Variants in HMCN2 observed in about 807,000 individuals in gnomAD.
HMCN2 encodes hemicentin 2.
In HMCN2, 325 loss-of-function variants were observed where a neutral mutation model predicts 377.5. The ratio of observed to expected loss-of-function variants is 0.86; its 90% CI spans 0.79 to 0.94. The LOEUF (loss-of-function observed/expected upper bound fraction) is 0.94, where lower values mean the gene tolerates loss of function less well. Ranked by LOEUF, HMCN2 falls within the 40% of genes least tolerant of loss-of-function variation. The pLI, the probability that HMCN2 is intolerant of heterozygous loss-of-function variation, is 0.00. For missense variants in HMCN2, 4,543 were observed against 4,725.3 expected, an observed-to-expected ratio of 0.96 and a Z score of 1.13; for synonymous variants, 2,007 against 2,046.8, an observed-to-expected ratio of 0.98 and a Z score of 0.53.
intron 81 of HMCN2, among the ~76,000 whole-genome samples, chr9:130,405,323 C>G (rs1024917563): frequency 6.6e-6 from 1 of 152,372 alleles, no homozygotes; most frequent in Middle Eastern, 3.4e-3. Context: ...CTCAGGGATA[C>G]GGTGATGACT....
intron 96 of HMCN2, among the ~76,000 whole-genome samples, 191 bp downstream of exon 96, chr9:130,431,677 T>A (rs928206873): frequency 6.6e-6 from 1 of 152,178 alleles, no homozygotes; most frequent in Non-Finnish European, 1.5e-5. Flanking sequence ...CCAGGGCCCA[T>A]GCTCCAAACA....
chr9:130,312,302 A>G (rs895833470), intron 15 of HMCN2, among the ~76,000 whole-genome samples: 71 of 151,888 alleles, frequency 4.7e-4, no homozygotes, highest in African/African-American at 1.6e-3. Flanking sequence ...AGCAAGAGAG[A>G]AGGAAGGTCT....
At chr9:130,368,999 G>C (rs1160776647) in intron 44 of HMCN2, among the ~76,000 whole-genome samples, 1 of 152,096 alleles carries the variant, frequency 6.6e-6, no homozygotes, top group African/African-American at 2.4e-5. Flanking sequence ...CCCAAGCATT[G>C]GGGGTGGGGG....
chr9:130,431,946 G>A (rs902894928), intron 96 of HMCN2, among the ~76,000 whole-genome samples: 16 of 152,344 alleles, frequency 1.1e-4, no homozygotes, highest in South Asian at 2.1e-4. Flanking sequence ...GTGCACAAAC[G>A]GGGCTGGGGC....
chr9:130,381,375 CT>C (rs371549897), intron 54 of HMCN2, among the ~76,000 whole-genome samples: 19 of 148,436 alleles, frequency 1.3e-4, no homozygotes, highest in African/African-American at 1.7e-4. Flanking sequence ...TTGGATGGCT[CT>C]TTTTTTTTTT....
At position 130,347,520 on chromosome 9, in the gene HMCN2, G is replaced by A. The variant is rs1309804261; in HGVS notation, c.4024+160G>A. Among the ~76,000 whole-genome samples the A allele has an allele frequency of 6.6e-6, 1 of 152,272 alleles. No homozygotes were observed. The highest frequency in any genetic ancestry group is 2.1e-4 in the South Asian group (1 of 4,818). ...CCAGGTGTGGCAGTGCCAGTTCCCC[G>A]GGGCCTGAAAGCTTCCTACACAGGA... On this transcript the variant is annotated intron_variant, in intron 26 of 97. Coordinates refer to ENST00000683500, the MANE Select transcript of HMCN2 (RefSeq NM_001291815.2). The surrounding 1 kb of genome is among the most constrained non-coding windows in gnomAD (Gnocchi z 5.1).
At chr9:130,299,966 C>T (rs1264717563) in intron 8 of HMCN2, among the ~76,000 whole-genome samples, 1 of 151,432 alleles carries the variant, frequency 6.6e-6, no homozygotes, top group East Asian at 2.0e-4. Flanking sequence ...CATCCACCCA[C>T]CCGCTCACTC....
intron 92 of HMCN2, among the ~76,000 whole-genome samples, 154 bp downstream of exon 92, chr9:130,427,773 T>A (rs1375775438): frequency 6.6e-6 from 1 of 152,170 alleles, no homozygotes; most frequent in Non-Finnish European, 1.5e-5. Flanking sequence ...GGGGTCCCAA[T>A]GCTATGTCCC....
intron 78 of HMCN2, 110 bp downstream of exon 78, chr9:130,403,006 C>T: frequency 2.0e-6 from 2 of 1,018,376 alleles, no homozygotes; most frequent in Non-Finnish European, 2.6e-6. Flanking sequence ...CTCAGAGGCC[C>T]CGACCTGTCT....
chr9:130,433,336 T>C lies in HMCN2; in HGVS notation c.14895-12T>C. 1 of 1,433,734 alleles carries C rather than the reference T, an allele frequency of 7.0e-7. No individual in the cohort carries two copies. The highest frequency in any genetic ancestry group is 1.4e-5 in the South Asian group (1 of 69,024). The allele number at this position is 1,433,734 out of a possible 1,614,324, so 88.8% of individuals were successfully genotyped here. On this transcript the variant is annotated splice_polypyrimidine_tract_variant and intron_variant, in intron 97 of 97. Transcript: ENST00000683500. ...CCGAGTCCGCCTGTCCGTGTGTCTGTGCCGCCCGCAGGACGTGCTTCCGGC... is the reference window on the plus strand; with the variant it reads ...CCGAGTCCGCCTGTCCGTGTGTCTGCGCCGCCCGCAGGACGTGCTTCCGGC...
chr9:130,425,980 G>T, intron 90 of HMCN2, 56 bp downstream of exon 90: 1 of 1,324,690 alleles, frequency 7.5e-7, no homozygotes. Flanking sequence ...CCTGCCAGGG[G>T]GCCCAAATGC....
chr9:130,407,931 A>G (rs1344990842), intron 83 of HMCN2, among the ~76,000 whole-genome samples: 1 of 152,152 alleles, frequency 6.6e-6, no homozygotes, highest in Non-Finnish European at 1.5e-5. Flanking sequence ...GGTATTTTTG[A>G]CACTCCCAAG....
chr9:130,431,836 C>A (rs77931840), intron 96 of HMCN2, among the ~76,000 whole-genome samples: 1 of 152,226 alleles, frequency 6.6e-6, no homozygotes, highest in Non-Finnish European at 1.5e-5. Context: ...TCTCAGATAG[C>A]TGGGATGAGA....
chr9:130,342,624 A>C (rs1839119535), intron 25 of HMCN2, among the ~76,000 whole-genome samples, 188 bp downstream of exon 25: 1 of 152,154 alleles, frequency 6.6e-6, no homozygotes, highest in African/African-American at 2.4e-5. Context: ...CCTTTTGATT[A>C]GGGGCAATCC....
chr9:130,382,389 C>G (rs1841776183), intron 55 of HMCN2, 92 bp downstream of exon 55: 2 of 443,126 alleles, frequency 4.5e-6, no homozygotes, highest in Non-Finnish European at 6.0e-6. Context: ...TGCACACAGT[C>G]TTGCTGTACT....
Position 130,277,931 on chromosome 9 carries a change from TCACCACCACCATCATCATCATCAC to T in HMCN2, c.260-6660_260-6637del, listed in dbSNP as rs1834842735. 5.9e-5 allele frequency among the ~76,000 whole-genome samples: 2 copies of T among 33,898 alleles called. 1 individual carries two copies. Among genetic ancestry groups the T allele is most frequent in the Non-Finnish European group, 9.7e-5 (2 of 20,602 alleles). The allele number at this position is 33,898 out of a possible 152,430, so 22.2% of individuals were successfully genotyped here. A position where few individuals can be genotyped will look rare whatever the true frequency, so the allele number is the denominator to read the frequency against. On this transcript the variant is annotated intron_variant, in intron 1 of 97. Coordinates refer to ENST00000683500, the MANE Select transcript of HMCN2 (RefSeq NM_001291815.2). ...ATCACCACCACCACCATCATCATCA[TCACCACCACCATCATCATCATCAC>T]CACCACCACCACCATCATCATCACC...
At position 130,395,912 on chromosome 9, in the gene HMCN2, G is replaced by A. The variant is rs1042593295; in HGVS notation, c.10912-12G>A. On this transcript the variant is annotated splice_polypyrimidine_tract_variant and intron_variant, in intron 71 of 97. Transcript: ENST00000683500. ...CTGATAAGGGTCTGTCCACCCTGGC[G>A]GGGCTCTCCAGGAGGACGCCCACAC... 33 of 1,285,118 alleles carry A rather than the reference G, an allele frequency of 2.6e-5. No individual in the cohort carries two copies. The highest frequency in any genetic ancestry group is 4.6e-5 in the Admixed American group (2 of 43,372). 79.6% of individuals were successfully genotyped at this position (1,285,118 alleles called of 1,614,324 possible).
chr9:130,287,028 C>G (rs1249270247), intron 4 of HMCN2, among the ~76,000 whole-genome samples: 1 of 152,220 alleles, frequency 6.6e-6, no homozygotes, highest in African/African-American at 2.4e-5. Flanking sequence ...AACGCTCTCT[C>G]TGGAAAGGAC....
At chr9:130,386,577 C>G (rs1842033418) in intron 61 of HMCN2, 53 bp downstream of exon 61, 1 of 1,186,176 alleles carries the variant, frequency 8.4e-7, no homozygotes, top group Admixed American at 2.4e-5. Flanking sequence ...TAGCAACACC[C>G]AGGGCTGCCA....
Sources: gnomAD v4.1 joint callset for allele counts (sites outside exome capture counted in the v4.1 genomes callset) on GRCh38, gnomAD v4.1.1 for gene constraint, Gnocchi (gnomAD v3.1) non-coding constraint, MANE v1.5 for transcripts, NCBI Gene and HGNC (gene_info 2026-07-23, HGNC 2026-07-21) for gene names.